The following UNC13C variants were observed in gnomAD, a reference collection of about 807,000 sequenced individuals.
The protein encoded by UNC13C is protein unc-13 homolog C.
Under a neutral mutation model 245.4 loss-of-function variants are expected in UNC13C, and 174 were observed. The observed-to-expected ratio is 0.71, with a 90% CI of 0.63 to 0.80. The LOEUF is 0.80. UNC13C is among the 30% of genes least tolerant of loss of function. The probability of loss-of-function intolerance (pLI) is 0.00; values close to 1 mark genes in which losing one functional copy is unlikely to be tolerated. For synonymous variants in UNC13C, 992 were observed against 895.1 expected, an observed-to-expected ratio of 1.11 and a Z score of -1.93; for missense variants, 2,829 against 2,602.9, an observed-to-expected ratio of 1.09 and a Z score of -1.89.
intron 9 of UNC13C, among the ~76,000 whole-genome samples, chr15:54,264,756 T>A (rs1481816882): frequency 2.0e-5 from 3 of 151,882 alleles, no homozygotes; most frequent in Non-Finnish European, 2.9e-5. Flanking sequence ...GTTATTTTAC[T>A]TACTCCTGGC....
At chr15:54,243,501 A>G (rs769278008) in intron 7 of UNC13C, among the ~76,000 whole-genome samples, 33 of 152,210 alleles carry the variant, frequency 2.2e-4, no homozygotes, top group Non-Finnish European at 3.1e-4. Context: ...GTATATACCC[A>G]GTAATGGGAT....
chr15:54,552,063 T>C lies in UNC13C; in HGVS notation c.5877+2372T>C, dbSNP rs560235645. On this transcript the variant is annotated intron_variant, in intron 28 of 32. Transcript: ENST00000260323. The stretch of plus-strand genomic sequence containing the variant: ...CAGAACTCCTATTTAGGAGTATTGA[T>C]AGATAACTGCCTAAAGGAACACAAG... Among the ~76,000 whole-genome samples the C allele has an allele frequency of 2.1e-4, 32 of 151,012 alleles. No individual in the cohort carries two copies. In the East Asian group the frequency reaches 5.2e-3, roughly 25 times the overall value.
At chr15:54,586,624 G>A (rs988895278) in intron 30 of UNC13C, among the ~76,000 whole-genome samples, 30 of 152,154 alleles carry the variant, frequency 2.0e-4, no homozygotes, top group Non-Finnish European at 4.4e-4. Context: ...AAATTTAGGG[G>A]GAGACAAAAT....
At chr15:53,992,679 T>A (rs76543340) in intron 1 of UNC13C, among the ~76,000 whole-genome samples, 3,696 of 152,176 alleles carry the variant, frequency 0.024, 162 homozygotes, top group African/African-American at 0.085. Flanking sequence ...CTCTAGAGAT[T>A]TATAACTCTT....
the UNC13C span, among the ~76,000 whole-genome samples, chr15:53,920,775 A>G: frequency 2.0e-5 from 3 of 151,106 alleles, no homozygotes; most frequent in African/African-American, 7.3e-5. Context: ...TGCATGTTAC[A>G]GGTGCTCTAT....
At chr15:54,025,145 A>T (rs1041699194) in intron 2 of UNC13C, among the ~76,000 whole-genome samples, 1 of 152,198 alleles carries the variant, frequency 6.6e-6, no homozygotes, top group African/African-American at 2.4e-5. Context: ...CTTTATTTAG[A>T]ATAAGTATGT....
rs549317247 is a variant in UNC13C, at chr15:54,066,052, G to T, written c.2983+50166G>T. 6.6e-5 allele frequency among the ~76,000 whole-genome samples: 10 copies of T among 152,262 alleles called. No individual in the cohort carries two copies. The South Asian group carries it at 2.1e-3, about 32-fold the overall frequency. ...TCCAAATTACTTTAATTATGACTTT[G>T]ATATTACTTCAGCAGTTTTAAACAA... On this transcript the variant is annotated intron_variant, in intron 2 of 32. Transcript: ENST00000260323.
intron 2 of UNC13C, among the ~76,000 whole-genome samples, chr15:54,041,824 G>A (rs1243124526): frequency 6.6e-6 from 1 of 152,170 alleles, no homozygotes; most frequent in African/African-American, 2.4e-5. Flanking sequence ...ACCATATTGA[G>A]ACATTTTAAA....
chr15:54,366,382 C>T lies in UNC13C; in HGVS notation c.4714-26666C>T, dbSNP rs796464325. ...ATTGTAATCATGCTTTGTACTTTGCCTGAGATTCATTTTCCAGTCCAATTT... is the reference window on the plus strand; with the variant it reads ...ATTGTAATCATGCTTTGTACTTTGCTTGAGATTCATTTTCCAGTCCAATTT... On this transcript the variant is annotated intron_variant, in intron 17 of 32. Transcript: ENST00000260323. Among the ~76,000 whole-genome samples, 11 of 152,174 alleles carry T rather than the reference C, an allele frequency of 7.2e-5. 1 individual carries two copies. Among genetic ancestry groups the T allele is most frequent in the African/African-American group, 2.6e-4 (11 of 41,546 alleles).
At chr15:54,220,241 A>G (rs2035180593) in intron 4 of UNC13C, among the ~76,000 whole-genome samples, 1 of 150,660 alleles carries the variant, frequency 6.6e-6, no homozygotes. Context: ...TGTGGCACAT[A>G]TACACCATGG....
At chr15:53,853,885 T>C in the UNC13C span, among the ~76,000 whole-genome samples, 1 of 152,188 alleles carries the variant, frequency 6.6e-6, no homozygotes, top group African/African-American at 2.4e-5. Flanking sequence ...TTGTAGACTC[T>C]GGATATTAGA....
At chr15:53,976,552 A>G (rs1355131441), upstream of UNC13C, among the ~76,000 whole-genome samples, 4 of 131,908 alleles carry the variant, frequency 3.0e-5, no homozygotes, top group Non-Finnish European at 4.6e-5. Context: ...GCTCACTACA[A>G]CCTCCGCCTT....
chr15:54,475,472 A>G (rs1417177299), intron 19 of UNC13C, among the ~76,000 whole-genome samples: 1 of 148,854 alleles, frequency 6.7e-6, no homozygotes, highest in Non-Finnish European at 1.5e-5. Context: ...CCCACCCCAC[A>G]ACAGTCCCCA....
intron 2 of UNC13C, among the ~76,000 whole-genome samples, chr15:54,122,965 G>A (rs1265402532): frequency 6.6e-6 from 1 of 151,842 alleles, no homozygotes; most frequent in African/African-American, 2.4e-5. Context: ...TTTCTTTCTA[G>A]TAGTGGAATA....
At position 54,628,282 on chromosome 15, in the gene UNC13C, CA is replaced by C. The variant is rs1369428158; in HGVS notation, c.*1173del. The C allele has an allele frequency of 6.6e-6, 1 of 152,048 alleles. No homozygotes were observed. The highest frequency in any genetic ancestry group is 1.5e-5 in the Non-Finnish European group (1 of 67,978). 9.4% of individuals were successfully genotyped at this position (152,048 alleles called of 1,614,324 possible). A position where few individuals can be genotyped will look rare whatever the true frequency, so the allele number is the denominator to read the frequency against. On this transcript the variant is annotated 3_prime_UTR_variant, in exon 33 of 33. Coordinates refer to ENST00000260323, the MANE Select transcript of UNC13C (RefSeq NM_001080534.3). ...TGATTTGACTTTTTAGAGTCTATGC[CA>C]AAATATATGGCTGTAAAACAGTACT...
intron 13 of UNC13C, among the ~76,000 whole-genome samples, chr15:54,300,790 G>A (rs373298181): frequency 2.0e-5 from 3 of 152,274 alleles, no homozygotes; most frequent in East Asian, 3.9e-4. Context: ...GGTAACTAAA[G>A]CCCTGGTTTG....
chr15:54,198,056 T>C (rs1427461797), intron 4 of UNC13C, among the ~76,000 whole-genome samples: 1 of 152,020 alleles, frequency 6.6e-6, no homozygotes, highest in Non-Finnish European at 1.5e-5. Flanking sequence ...TGCCAGCTTT[T>C]CCTCACTTCC....
At chr15:53,958,235 C>T in the UNC13C span, among the ~76,000 whole-genome samples, 1 of 152,154 alleles carries the variant, frequency 6.6e-6, no homozygotes, top group African/African-American at 2.4e-5. Context: ...CAGAACAAAC[C>T]GAAATTTGGA....
chr15:54,521,751 G>A (rs1895222839), intron 24 of UNC13C, among the ~76,000 whole-genome samples: 1 of 152,172 alleles, frequency 6.6e-6, no homozygotes, highest in South Asian at 2.1e-4. Flanking sequence ...TGGTTTCTAA[G>A]GAATGAAAGA....
Sources: gnomAD v4.1 joint callset for allele counts (sites outside exome capture counted in the v4.1 genomes callset) on GRCh38, gnomAD v4.1.1 for gene constraint, MANE v1.5 for transcripts, NCBI Gene and HGNC (gene_info 2026-07-23, HGNC 2026-07-21) for gene names.